Variants in SKOR1 observed in about 807,000 individuals in gnomAD.
SKOR1 encodes SKI family transcriptional corepressor 1.
Under a neutral mutation model 72.4 loss-of-function variants are expected in SKOR1, and 38 were observed. The ratio of observed to expected loss-of-function variants is 0.52; its 90% CI spans 0.40 to 0.69. The LOEUF (loss-of-function observed/expected upper bound fraction) is 0.69, where lower values mean the gene tolerates loss of function less well. Among genes scored for constraint, SKOR1 ranks in the 30% least tolerant of loss-of-function variants. SKOR1 has a pLI of 0.00. For missense variants in SKOR1, 1,320 were observed against 1,343.2 expected (o/e 0.98, Z 0.27); for synonymous variants, 642 against 599.4 (o/e 1.07, Z -1.04).
In SKOR1 at chr15:67,832,597, A is replaced by G; in HGVS notation, c.2663-10A>G. The G allele has an allele frequency of 2.5e-6, 4 of 1,613,324 alleles. No homozygotes were observed. The highest frequency in any genetic ancestry group is 3.4e-6 in the Non-Finnish European group (4 of 1,179,504). ...GTGCGTAACAGCTCTCACTTAATCA[A>G]TTTGCACAGATAATTTTCAGGATCA... is the stretch of plus-strand genomic sequence containing the variant. On this transcript the variant is annotated splice_polypyrimidine_tract_variant and intron_variant, in intron 6 of 8. Coordinates refer to ENST00000380035, the MANE Select transcript of SKOR1 (RefSeq NM_001365915.1). The surrounding 1 kb of genome is among the most constrained non-coding windows in gnomAD (Gnocchi z 4.5).
In SKOR1 at chr15:67,825,957, C is replaced by T; in HGVS notation, c.129C>T (p.Leu43=). The part of the protein sequence containing the change: ...AFLRSGGMEA[L]TTQLGPGREG... Reference sequence around the variant, plus strand: ...GCAGGAGCGGCGGCATGGAGGCTCTCACCACTCAGCTGGGGCCGGGGCGCG... The same window carrying T: ...GCAGGAGCGGCGGCATGGAGGCTCTTACCACTCAGCTGGGGCCGGGGCGCG... The change falls in exon 2 of 9, where the codon CTC becomes CTT. Residue 43 remains leucine, a synonymous_variant. Coordinates refer to ENST00000380035, the MANE Select transcript of SKOR1 (RefSeq NM_001365915.1). The surrounding 1 kb of genome is among the most constrained non-coding windows in gnomAD (Gnocchi z 5.6). 1 of 1,520,498 alleles carries T rather than the reference C, an allele frequency of 6.6e-7. No homozygotes were observed. Among genetic ancestry groups the T allele is most frequent in the Admixed American group, 2.2e-5 (1 of 45,244 alleles). 94.2% of individuals were successfully genotyped at this position (1,520,498 alleles called of 1,614,324 possible).
rs1378422688 is a variant in SKOR1 at position 67,830,887 on chromosome 15, G to A, written c.2585G>A (p.Arg862Lys). ...GAGAAAGATATCGAGAACCTGGCCA[G>A]AGGTGAGGATAAATTTGTGAAAAAG... is the stretch of plus-strand genomic sequence containing the variant. ...LVEKDIENLA[R>K]EELQKLLLEQ... The change falls in exon 5 of 9, where the codon AGA becomes AAA. Residue 862 changes from arginine to lysine, a missense_variant and splice_region_variant. Physicochemically the swap from Arg to Lys is conservative, Grantham distance 26 (BLOSUM62 2). This residue lies in a region of SKOR1 where 1,099 missense variants were observed against 1,025.5 expected (regional missense o/e 1.07). Transcript: ENST00000380035. 6.2e-7 allele frequency: 1 copy of A among 1,614,058 alleles called. No homozygotes were observed. The highest frequency in any genetic ancestry group is 1.7e-5 in the Admixed American group (1 of 60,012).
intron 5 of SKOR1, among the ~76,000 whole-genome samples, chr15:67,831,918 G>C (rs28427879): frequency 7.3e-6 from 1 of 136,242 alleles, no homozygotes; most frequent in Non-Finnish European, 1.5e-5. Flanking sequence ...GGGGGAGGTC[G>C]GGGCCGGGGC....
chr15:67,833,334 G>C lies in SKOR1; in HGVS notation c.2803+77G>C. The C allele has an allele frequency of 1.4e-6, 2 of 1,451,312 alleles. No homozygotes were observed. Among genetic ancestry groups the C allele is most frequent in the Non-Finnish European group, 9.6e-7 (1 of 1,036,970 alleles). 89.9% of individuals were successfully genotyped at this position (1,451,312 alleles called of 1,614,324 possible). On this transcript the variant is annotated intron_variant, in intron 8 of 8. Coordinates refer to ENST00000380035, the MANE Select transcript of SKOR1 (RefSeq NM_001365915.1). This position sits in a 1 kb window ranked among gnomAD's most constrained non-coding sequence, Gnocchi z 6.0. ...TGTCGACTGAATGAATGAATAGTGG[G>C]ACTAGTGAGGAAGGCCACGATCCAC... is the stretch of plus-strand genomic sequence containing the variant.
chr15:67,833,131 G>T lies in SKOR1; in HGVS notation c.2738-61G>T. ...GGGGAGAGGAGGAAGCCCGGGCTGT[G>T]ACCCCGGCCTTTCGGAGGGTGGTCT... On this transcript the variant is annotated intron_variant, in intron 7 of 8. Coordinates refer to ENST00000380035, the MANE Select transcript of SKOR1 (RefSeq NM_001365915.1). The surrounding 1 kb of genome is among the most constrained non-coding windows in gnomAD (Gnocchi z 6.0). The T allele has an allele frequency of 6.3e-7, 1 of 1,577,058 alleles. No individual in the cohort carries two copies. Among genetic ancestry groups the T allele is most frequent in the South Asian group, 1.1e-5 (1 of 89,560 alleles).
At chr15:67,830,397 A>G in intron 4 of SKOR1, 99 bp downstream of exon 4, 1 of 987,100 alleles carries the variant, frequency 1.0e-6, no homozygotes, top group South Asian at 1.4e-5. Context: ...CTTTTAATCA[A>G]GTGTAAGCGG....
At chr15:67,831,903 C>CCGGGG (rs1476265010) in intron 5 of SKOR1, among the ~76,000 whole-genome samples, 5 of 28,734 alleles carry the variant, frequency 1.7e-4, no homozygotes, top group African/African-American at 1.4e-3. Context: ...GGCGGCGGTG[C>CCGGGG]GGGGGGGGGA....
chr15:67,830,219 C>A lies in SKOR1; in HGVS notation c.2436C>A (p.Pro812=), dbSNP rs140632257. 22 of 1,614,186 alleles carry A rather than the reference C, an allele frequency of 1.4e-5. No homozygotes were observed. In the African/African-American group the frequency reaches 2.4e-4, roughly 18 times the overall value. The change falls in exon 4 of 9, where the codon CCC becomes CCA. Residue 812 remains proline, a synonymous_variant. Transcript: ENST00000380035. ...HEPDKEDNHS[P]ADDLETRKSY... is the part of the protein sequence containing the mutation. ...CAGATAAGGAAGACAATCACTCGCC[C>A]GCCGATGATTTGGAAACGAGGAAAT...
Position 67,827,639 on chromosome 15 carries a change from G to A in SKOR1, c.1811G>A (p.Ser604Asn), listed in dbSNP as rs1260000972. ...CGGCCGGTGGTCAAGGACACCGAGAGCATCGCTAAGCTCTACGGGAGCGCC... is the reference window on the plus strand; with the variant it reads ...CGGCCGGTGGTCAAGGACACCGAGAACATCGCTAAGCTCTACGGGAGCGCC... ...AFRPVVKDTE[S>N]IAKLYGSARE... The change falls in exon 2 of 9, where the codon AGC becomes AAC. Residue 604 changes from serine to asparagine, a missense_variant. Around this residue, in one of 3 missense-constraint regions of SKOR1, gnomAD observed 1,099 missense variants for 1,025.5 expected, o/e 1.07. Coordinates refer to ENST00000380035, the MANE Select transcript of SKOR1 (RefSeq NM_001365915.1). 2 of 1,531,014 alleles carry A rather than the reference G, an allele frequency of 1.3e-6. No homozygotes were observed. Among genetic ancestry groups the A allele is most frequent in the Admixed American group, 4.0e-5 (2 of 49,946 alleles). 94.8% of individuals were successfully genotyped at this position (1,531,014 alleles called of 1,614,324 possible).
intron 5 of SKOR1, 123 bp downstream of exon 5, chr15:67,831,012 A>T: frequency 1.1e-6 from 1 of 951,506 alleles, no homozygotes; most frequent in East Asian, 2.4e-5. Context: ...CCTTGGGGGC[A>T]TGAGTTTTCC....
Position 67,826,002 on chromosome 15 carries a change from C to T in SKOR1, c.174C>T (p.Asn58=). The change falls in exon 2 of 9, where the codon AAC becomes AAT. Residue 58 remains asparagine (N), a synonymous_variant. Transcript: ENST00000380035. The stretch of plus-strand genomic sequence containing the variant: ...GGCGCGAGGGCAGTTCCTCGCCCAA[C>T]TCCAAGCAGGAGCTGCAGCCGTACT... ...GPGREGSSSP[N]SKQELQPYSG... The T allele has an allele frequency of 6.5e-7, 1 of 1,543,024 alleles. No individual in the cohort carries two copies. Among genetic ancestry groups the T allele is most frequent in the Admixed American group, 2.0e-5 (1 of 50,358 alleles).
At chr15:67,828,225 G>A (rs931173443) in intron 2 of SKOR1, 81 bp downstream of exon 2, 1 of 1,359,838 alleles carries the variant, frequency 7.4e-7, no homozygotes, top group Non-Finnish European at 9.4e-7. Context: ...GGCGGAGAAC[G>A]GGAATTTTGT....
At chr15:67,830,338 A>G (rs768216776) in intron 4 of SKOR1, 40 bp downstream of exon 4, 2 of 1,592,668 alleles carry the variant, frequency 1.3e-6, no homozygotes, top group East Asian at 2.2e-5. Context: ...CACCGCACCC[A>G]GGAGCTGGGA....
chr15:67,829,866 C>T (rs1028622946), intron 3 of SKOR1, among the ~76,000 whole-genome samples: 2 of 152,264 alleles, frequency 1.3e-5, no homozygotes, highest in African/African-American at 4.8e-5. Context: ...GTCGGGCGGA[C>T]AGACCCGGCG....
rs980273761 is a variant in SKOR1, at chr15:67,832,113, A to G, written c.2588-161A>G. Among the ~76,000 whole-genome samples, 1 of 152,094 alleles carries G rather than the reference A, an allele frequency of 6.6e-6. No individual in the cohort carries two copies. Among genetic ancestry groups the G allele is most frequent in the South Asian group, 2.1e-4 (1 of 4,822 alleles). On this transcript the variant is annotated intron_variant, in intron 5 of 8. Transcript: ENST00000380035. This position sits in a 1 kb window ranked among gnomAD's most constrained non-coding sequence, Gnocchi z 4.5. Reference sequence around the variant, plus strand: ...ACCCACAGCCCAGTTTCTTCACCCAAATCCTTTGAATGCAGTTGGTAAAGC... The same window carrying G: ...ACCCACAGCCCAGTTTCTTCACCCAGATCCTTTGAATGCAGTTGGTAAAGC...
chr15:67,832,427 G>A lies in SKOR1; in HGVS notation c.2662+79G>A. ...GTGCCCCGACCTACTCCGAAAGCCG[G>A]GTGCCAGGCAACTGGTACTAGGTGC... On this transcript the variant is annotated intron_variant, in intron 6 of 8. Transcript: ENST00000380035. This position sits in a 1 kb window ranked among gnomAD's most constrained non-coding sequence, Gnocchi z 4.5. The A allele has an allele frequency of 3.3e-6, 5 of 1,518,576 alleles. No individual in the cohort carries two copies. The highest frequency in any genetic ancestry group is 4.6e-6 in the Non-Finnish European group (5 of 1,098,222). The allele number at this position is 1,518,576 out of a possible 1,614,324, so 94.1% of individuals were successfully genotyped here.
chr15:67,834,192 T>C lies in SKOR1; in HGVS notation c.*356T>C, dbSNP rs2091030922. The C allele has an allele frequency of 2.9e-6, 1 of 344,168 alleles. No individual in the cohort carries two copies. Among genetic ancestry groups the C allele is most frequent in the Admixed American group, 3.9e-5 (1 of 25,870 alleles). The allele number at this position is 344,168 out of a possible 1,614,324, so 21.3% of individuals were successfully genotyped here. A position where few individuals can be genotyped will look rare whatever the true frequency, so the allele number is the denominator to read the frequency against. ...CTTGAACCCGATTGTGAATACAATGTAGCAACTTCGCTGGCGCCTGCCCCG... is the reference window on the plus strand; with the variant it reads ...CTTGAACCCGATTGTGAATACAATGCAGCAACTTCGCTGGCGCCTGCCCCG... On this transcript the variant is annotated 3_prime_UTR_variant, in exon 9 of 9. Transcript: ENST00000380035. This position sits in a 1 kb window ranked among gnomAD's most constrained non-coding sequence, Gnocchi z 5.8.
chr15:67,830,551 G>A lies in SKOR1; in HGVS notation c.2515+253G>A, dbSNP rs532176500. ...ATGTACTAAAAGGAAATGGAGGGAC[G>A]TCCTCACCCACATAAAATAGGTCAA... is the stretch of plus-strand genomic sequence containing the variant. On this transcript the variant is annotated intron_variant, in intron 4 of 8. Coordinates refer to ENST00000380035, the MANE Select transcript of SKOR1 (RefSeq NM_001365915.1). 3.3e-5 allele frequency among the ~76,000 whole-genome samples: 5 copies of A among 152,226 alleles called. No individual in the cohort carries two copies. The South Asian group carries it at 1.0e-3, about 32-fold the overall frequency.
Position 67,825,683 on chromosome 15 carries a change from G to A in SKOR1, c.81G>A (p.Gly27=). 1.4e-6 allele frequency: 1 copy of A among 734,042 alleles called. No homozygotes were observed. Among genetic ancestry groups the A allele is most frequent in the Non-Finnish European group, 2.5e-6 (1 of 399,302 alleles). The allele number at this position is 734,042 out of a possible 1,614,324, so 45.5% of individuals were successfully genotyped here. The stretch of plus-strand genomic sequence containing the variant: ...CTTCCCAATCCGAAAACGGGATTGG[G>A]TTCCTTGCAGCCCGGGCATTCCTGA... ...SLPSQSENGI[G]FLAARAFLRS... is the part of the protein sequence containing the mutation. Residue 27 remains glycine, a synonymous_variant, in exon 1 of 9, where the codon GGG becomes GGA. Transcript: ENST00000380035. This position sits in a 1 kb window ranked among gnomAD's most constrained non-coding sequence, Gnocchi z 5.6.
Sources: allele counts gnomAD v4.1 joint callset (sites outside exome capture counted in the v4.1 genomes callset), GRCh38; gene constraint gnomAD v4.1.1; regional missense constraint gnomAD v4.1.1; non-coding constraint Gnocchi (gnomAD v3.1); transcripts MANE v1.5; gene names NCBI Gene and HGNC (gene_info 2026-07-23, HGNC 2026-07-21).